The following STPG2 variants were observed in gnomAD, a reference collection of about 807,000 sequenced individuals.
STPG2 encodes the protein sperm tail PG-rich repeat containing 2.
In STPG2, 56 loss-of-function variants were observed where a neutral mutation model predicts 54.2. That is an observed-to-expected ratio of 1.03 (90% CI 0.83 to 1.29). The LOEUF (loss-of-function observed/expected upper bound fraction) is 1.29, where lower values mean the gene tolerates loss of function less well. Among genes scored for constraint, STPG2 ranks in the 50% most tolerant of loss-of-function variants. The pLI, the probability that STPG2 is intolerant of heterozygous loss-of-function variation, is 0.00. For missense variants in STPG2, 596 were observed against 544.9 expected, an observed-to-expected ratio of 1.09 and a Z score of -0.93; for synonymous variants, 200 against 181.8, an observed-to-expected ratio of 1.10 and a Z score of -0.81.
chr4:97,655,450 T>C (rs1442816849), intron 10 of STPG2, among the ~76,000 whole-genome samples: 1 of 152,136 alleles, frequency 6.6e-6, no homozygotes, highest in Non-Finnish European at 1.5e-5. Flanking sequence ...TTTTCAGGGA[T>C]ATGATAGAAC....
At chr4:97,932,879 T>C (rs900203458) in intron 8 of STPG2, among the ~76,000 whole-genome samples, 40 of 152,186 alleles carry the variant, frequency 2.6e-4, no homozygotes, top group African/African-American at 8.9e-4. Flanking sequence ...TGGATATATA[T>C]CCCAGTAATG....
chr4:97,493,027 C>A (rs758656462), intron 4 of STPG2, among the ~76,000 whole-genome samples: 8 of 149,900 alleles, frequency 5.3e-5, no homozygotes, highest in Non-Finnish European at 7.4e-5. Context: ...TGATCCCAGG[C>A]CTTAAGAAGG....
chr4:97,983,125 A>G (rs1199246708), intron 5 of STPG2, among the ~76,000 whole-genome samples: 1 of 152,206 alleles, frequency 6.6e-6, no homozygotes, highest in Non-Finnish European at 1.5e-5. Flanking sequence ...TGAGATAGAA[A>G]GACCAACCCT....
At chr4:97,927,059 G>A (rs1386612601) in intron 8 of STPG2, among the ~76,000 whole-genome samples, 1 of 152,072 alleles carries the variant, frequency 6.6e-6, no homozygotes, top group Admixed American at 6.5e-5. Flanking sequence ...ACTAGGCAGT[G>A]GAGCTGAGAT....
At chr4:97,982,342 CTGTT>C (rs957409499) in intron 5 of STPG2, among the ~76,000 whole-genome samples, 14 of 150,304 alleles carry the variant, frequency 9.3e-5, no homozygotes, top group South Asian at 2.1e-4. Context: ...TCTGTTTTGT[CTGTT>C]TGTCTTTCTC....
intron 4 of STPG2, among the ~76,000 whole-genome samples, chr4:97,478,873 ATGTGTGTG>A (rs35662485): frequency 0.055 from 7,426 of 133,984 alleles, 255 homozygotes; most frequent in African/African-American, 0.08. Flanking sequence ...CAAGCCAAAT[ATGTGTGTG>A]TGTGTGTGTG....
chr4:97,605,068 A>G (rs1578419151), intron 10 of STPG2, among the ~76,000 whole-genome samples: 1 of 151,820 alleles, frequency 6.6e-6, no homozygotes, highest in East Asian at 1.9e-4. Context: ...ATAACCCATT[A>G]AAGAACAATG....
chr4:97,524,080 A>G (rs539873199), intron 4 of STPG2, among the ~76,000 whole-genome samples: 2 of 152,062 alleles, frequency 1.3e-5, no homozygotes, highest in South Asian at 2.1e-4. Context: ...GGAGTAGACA[A>G]TGGAAACCCC....
chr4:97,831,498 C>G (rs1243731357), intron 9 of STPG2, among the ~76,000 whole-genome samples: 3 of 151,926 alleles, frequency 2.0e-5, no homozygotes, highest in African/African-American at 7.3e-5. Flanking sequence ...CAAGAGCTAG[C>G]AGAAGACAAG....
intron 4 of STPG2, among the ~76,000 whole-genome samples, chr4:97,463,097 G>A (rs1447283101): frequency 6.6e-6 from 1 of 151,978 alleles, no homozygotes; most frequent in African/African-American, 2.4e-5. Context: ...TGCAAATGTG[G>A]TAAATTATAA....
At chr4:97,970,526 C>T (rs963305664) in intron 7 of STPG2, among the ~76,000 whole-genome samples, 3 of 152,146 alleles carry the variant, frequency 2.0e-5, no homozygotes, top group Non-Finnish European at 4.4e-5. Flanking sequence ...ACCATCTGAT[C>T]TTTGACAAAC....
At chr4:97,943,751 T>G in intron 8 of STPG2, 146 bp downstream of exon 8, 1 of 537,552 alleles carries the variant, frequency 1.9e-6, no homozygotes, top group Non-Finnish European at 3.1e-6. Context: ...TGTTGAACTT[T>G]AAAAATATAA....
intron 8 of STPG2, among the ~76,000 whole-genome samples, chr4:97,927,355 C>A (rs964310564): frequency 1.3e-5 from 2 of 151,952 alleles, no homozygotes; most frequent in African/African-American, 4.8e-5. Flanking sequence ...TCGTCACTAG[C>A]CAATGATTGC....
At chr4:97,862,530 A>G (rs912712874) in intron 8 of STPG2, among the ~76,000 whole-genome samples, 11 of 152,102 alleles carry the variant, frequency 7.2e-5, no homozygotes, top group African/African-American at 2.7e-4. Flanking sequence ...AACATTAGAC[A>G]GATCGATGAG....
chr4:97,661,048 T>A (rs1508461), intron 10 of STPG2, among the ~76,000 whole-genome samples: 90,957 of 151,504 alleles, frequency 0.6, 27,565 homozygotes, highest in South Asian at 0.71. Context: ...TATAAAAAAA[T>A]AAGTTTCCAT....
At chr4:97,826,022 T>C (rs1728248429) in intron 9 of STPG2, among the ~76,000 whole-genome samples, 1 of 152,168 alleles carries the variant, frequency 6.6e-6, no homozygotes, top group Admixed American at 6.6e-5. Flanking sequence ...GATTCTATAA[T>C]AGATAAGGCC....
At chr4:97,780,030 C>A (rs1726550652) in intron 9 of STPG2, among the ~76,000 whole-genome samples, 2 of 148,270 alleles carry the variant, frequency 1.3e-5, no homozygotes, top group Admixed American at 1.4e-4. Flanking sequence ...CAATAACGAG[C>A]AAAATAACCA....
intron 8 of STPG2, among the ~76,000 whole-genome samples, chr4:97,927,917 A>C (rs974226551): frequency 6.6e-6 from 1 of 152,162 alleles, no homozygotes; most frequent in Non-Finnish European, 1.5e-5. Context: ...TGTCTGTGAT[A>C]CACAGTGTTT....
chr4:98,093,888 T>A (rs1738763695), intron 5 of STPG2, among the ~76,000 whole-genome samples: 1 of 152,164 alleles, frequency 6.6e-6, no homozygotes, highest in Non-Finnish European at 1.5e-5. Flanking sequence ...GAATCACCCA[T>A]CCCAGTGGTT....
Sources: allele counts gnomAD v4.1 joint callset (sites outside exome capture counted in the v4.1 genomes callset), GRCh38; gene constraint gnomAD v4.1.1; transcripts MANE v1.5; gene names NCBI Gene and HGNC (gene_info 2026-07-23, HGNC 2026-07-21).